GAB2: variants seen among roughly 807,000 people sequenced by gnomAD.
The protein encoded by GAB2 is GRB2-associated-binding protein 2.
In GAB2, 26 loss-of-function variants were observed where a neutral mutation model predicts 65.5. The ratio of observed to expected loss-of-function variants is 0.40; its 90% CI spans 0.29 to 0.55. The LOEUF is 0.55. Among genes scored for constraint, GAB2 ranks in the 20% least tolerant of loss-of-function variants. The probability of loss-of-function intolerance (pLI) is 0.53; values close to 1 mark genes in which losing one functional copy is unlikely to be tolerated. For missense variants in GAB2, 884 were observed against 875.8 expected (o/e 1.01, Z -0.12); for synonymous variants, 321 against 329.6 (o/e 0.97, Z 0.28).
chr11:78,220,213 G>A, intron 9 of GAB2, 106 bp downstream of exon 9: 2 of 1,171,004 alleles, frequency 1.7e-6, no homozygotes, highest in South Asian at 1.4e-5. Flanking sequence ...GGAGCAGGAG[G>A]GAGGCTGAGT....
intron 1 of GAB2, among the ~76,000 whole-genome samples, chr11:78,391,101 C>G (rs771120495): frequency 4.6e-5 from 7 of 152,090 alleles, no homozygotes; most frequent in Non-Finnish European, 1.0e-4. Flanking sequence ...AAATGGCCAG[C>G]CTGGGCAAAA....
intron 1 of GAB2, among the ~76,000 whole-genome samples, chr11:78,384,521 C>CATCCTG (rs1856741482): frequency 6.6e-6 from 1 of 152,180 alleles, no homozygotes; most frequent in Non-Finnish European, 1.5e-5. Context: ...CCAAAGGGGA[C>CATCCTG]CCAGAACTGG....
chr11:78,374,862 G>C (rs951906039), intron 1 of GAB2, among the ~76,000 whole-genome samples: 1 of 152,130 alleles, frequency 6.6e-6, no homozygotes, highest in Non-Finnish European at 1.5e-5. Context: ...GATGGGTAAG[G>C]AGGGGAATAA....
intron 1 of GAB2, among the ~76,000 whole-genome samples, chr11:78,411,266 G>A (rs1857125591): frequency 6.6e-6 from 1 of 152,152 alleles, no homozygotes; most frequent in Non-Finnish European, 1.5e-5. Flanking sequence ...TAGTAAAGCT[G>A]TAATTTCTTC....
chr11:78,336,036 G>A (rs566538814), intron 1 of GAB2, among the ~76,000 whole-genome samples: 22 of 151,678 alleles, frequency 1.5e-4, no homozygotes, highest in Admixed American at 3.9e-4. Flanking sequence ...TTTCCAGGTC[G>A]GGCATGGTGG....
chr11:78,235,371 C>A (rs1444071178), intron 3 of GAB2, among the ~76,000 whole-genome samples: 1 of 152,018 alleles, frequency 6.6e-6, no homozygotes, highest in Non-Finnish European at 1.5e-5. Context: ...CCAGGATGGT[C>A]TCGATCTCCT....
intron 1 of GAB2, among the ~76,000 whole-genome samples, chr11:78,344,632 A>G (rs73500933): frequency 0.025 from 3,750 of 152,322 alleles, 120 homozygotes; most frequent in African/African-American, 0.079. Context: ...CTTAGAATCA[A>G]TCACAAACAA....
At chr11:78,275,633 AC>A (rs1336864612) in intron 2 of GAB2, among the ~76,000 whole-genome samples, 6 of 152,210 alleles carry the variant, frequency 3.9e-5, no homozygotes, top group Non-Finnish European at 8.8e-5. Context: ...ATAACCTTAA[AC>A]CTCTATCACA....
intron 1 of GAB2, among the ~76,000 whole-genome samples, chr11:78,339,844 T>G (rs1856064157): frequency 6.6e-6 from 1 of 152,236 alleles, no homozygotes; most frequent in Non-Finnish European, 1.5e-5. Context: ...CAAGAGCCTT[T>G]TGTTTCCTTT....
rs749282969 is a variant in GAB2, at chr11:78,323,790, C to CTTTTTTTTTTTTT, written c.76-42902_76-42890dup. ...CTACACGTGTACCCCCTGAATCTTT[C>CTTTTTTTTTTTTT]TTTTTTTTTTTTTTTTTTTTTTTTT... On this transcript the variant is annotated intron_variant, in intron 1 of 9. Transcript: ENST00000361507. 1.3e-4 allele frequency among the ~76,000 whole-genome samples: 10 copies of CTTTTTTTTTTTTT among 77,258 alleles called. 1 individual carries two copies. Among genetic ancestry groups the CTTTTTTTTTTTTT allele is most frequent in the African/African-American group, 4.5e-4 (9 of 20,070 alleles). 50.7% of individuals were successfully genotyped at this position (77,258 alleles called of 152,430 possible).
intron 3 of GAB2, among the ~76,000 whole-genome samples, chr11:78,229,621 A>T (rs559760798): frequency 3.3e-5 from 5 of 152,228 alleles, no homozygotes; most frequent in Admixed American, 2.6e-4. Context: ...CATCCTACTA[A>T]TATTTACTTT....
At chr11:78,310,330 G>T (rs1285529656) in intron 1 of GAB2, among the ~76,000 whole-genome samples, 3 of 145,006 alleles carry the variant, frequency 2.1e-5, no homozygotes, top group Non-Finnish European at 4.5e-5. Context: ...GTGAAACCCC[G>T]TCTCTACTAA....
intron 1 of GAB2, among the ~76,000 whole-genome samples, chr11:78,300,616 C>A (rs1866975546): frequency 6.7e-6 from 1 of 150,056 alleles, no homozygotes; most frequent in South Asian, 2.1e-4. Context: ...AATTCCTTCA[C>A]AAGACTTGGT....
intron 1 of GAB2, among the ~76,000 whole-genome samples, chr11:78,397,638 C>T (rs1856918537): frequency 6.6e-6 from 1 of 152,160 alleles, no homozygotes; most frequent in African/African-American, 2.4e-5. Flanking sequence ...ATGACACTAA[C>T]CTCACTGACC....
chr11:78,256,689 C>T (rs1371713112), intron 2 of GAB2, among the ~76,000 whole-genome samples: 2 of 152,224 alleles, frequency 1.3e-5, no homozygotes, highest in Non-Finnish European at 2.9e-5. Flanking sequence ...CTGTCTGTCT[C>T]ACTGGGTTGT....
At chr11:78,385,305 T>C (rs1856752042) in intron 1 of GAB2, among the ~76,000 whole-genome samples, 1 of 152,208 alleles carries the variant, frequency 6.6e-6, no homozygotes, top group Non-Finnish European at 1.5e-5. Flanking sequence ...ACCTTTTAAA[T>C]GTCAGGACTG....
chr11:78,384,717 T>A (rs529012663), intron 1 of GAB2, among the ~76,000 whole-genome samples: 85 of 152,258 alleles, frequency 5.6e-4, no homozygotes, highest in Non-Finnish European at 1.0e-3. Context: ...AACCAATGGG[T>A]CTGTTCTAGA....
intron 2 of GAB2, among the ~76,000 whole-genome samples, chr11:78,264,263 A>G (rs565913073): frequency 3.3e-5 from 5 of 152,044 alleles, no homozygotes; most frequent in Non-Finnish European, 7.4e-5. Flanking sequence ...CTCTCTTTCC[A>G]TATTCTGGGT....
intron 1 of GAB2, among the ~76,000 whole-genome samples, chr11:78,406,562 G>C (rs1457746710): frequency 1.3e-5 from 2 of 152,098 alleles, no homozygotes; most frequent in Non-Finnish European, 2.9e-5. Context: ...ATTTTCAGTA[G>C]AGACAGGGTT....
Sources: gnomAD v4.1 joint callset for allele counts (sites outside exome capture counted in the v4.1 genomes callset) on GRCh38, gnomAD v4.1.1 for gene constraint, MANE v1.5 for transcripts, NCBI Gene and HGNC (gene_info 2026-07-23, HGNC 2026-07-21) for gene names.